MBTD1: variants seen among roughly 807,000 people sequenced by gnomAD.
MBTD1 encodes the protein MBT domain-containing protein 1.
A neutral mutation model predicts 87.8 loss-of-function variants in MBTD1; 24 were observed. That is an observed-to-expected ratio of 0.27 (90% CI 0.20 to 0.38). The LOEUF (loss-of-function observed/expected upper bound fraction) is 0.38. Ranked by LOEUF, MBTD1 falls within the 10% of genes least tolerant of loss-of-function variation. MBTD1 has a pLI of 1.00. For synonymous variants in MBTD1, 237 were observed against 248.6 expected (o/e 0.95, Z 0.44); for missense variants, 436 against 760.2 (o/e 0.57, Z 5.02).
At chr17:51,245,765 G>A (rs867822370) in intron 2 of MBTD1, among the ~76,000 whole-genome samples, 88 of 152,226 alleles carry the variant, frequency 5.8e-4, no homozygotes, top group African/African-American at 2.1e-3. Flanking sequence ...GGTTTGGAAT[G>A]TATTCTGATA....
At chr17:51,260,414 TG>T, upstream of MBTD1, 2 of 697,648 alleles carry the variant, frequency 2.9e-6, no homozygotes, top group Non-Finnish European at 4.7e-6. Flanking sequence ...GGGGCGGGGC[TG>T]GGTAGGGGAG....
intron 2 of MBTD1, among the ~76,000 whole-genome samples, chr17:51,257,832 A>G (rs2055179415): frequency 6.6e-6 from 1 of 152,190 alleles, no homozygotes; most frequent in African/African-American, 2.4e-5. Context: ...TTTATGTCAA[A>G]CATTACATAA....
intron 14 of MBTD1, 122 bp downstream of exon 14, chr17:51,193,306 T>C (rs1568154294): frequency 1.6e-5 from 11 of 668,320 alleles, no homozygotes; most frequent in Non-Finnish European, 2.8e-5. Flanking sequence ...ATTGCTATAT[T>C]TGTTTATATT....
chr17:51,247,441 CTTTTTTT>C (rs58720477), intron 2 of MBTD1, among the ~76,000 whole-genome samples: 68,817 of 131,944 alleles, frequency 0.52, 16,758 homozygotes, highest in South Asian at 0.65. Context: ...ATCAGTATTA[CTTTTTTT>C]TTTTTTTTTT....
chr17:51,223,760 C>T (rs1194633369), intron 3 of MBTD1, among the ~76,000 whole-genome samples: 1 of 152,032 alleles, frequency 6.6e-6, no homozygotes, highest in African/African-American at 2.4e-5. Flanking sequence ...TGCTTGAACC[C>T]GGGAGGTGGA....
intron 12 of MBTD1, among the ~76,000 whole-genome samples, chr17:51,199,671 A>C (rs2051347064): frequency 6.6e-6 from 1 of 151,660 alleles, no homozygotes; most frequent in African/African-American, 2.4e-5. Flanking sequence ...CGAACTCCTG[A>C]CCTTGTGATT....
chr17:51,207,630 A>G (rs1031267672), intron 6 of MBTD1, among the ~76,000 whole-genome samples: 3 of 152,188 alleles, frequency 2.0e-5, no homozygotes, highest in Non-Finnish European at 4.4e-5. Context: ...AAATTACTAT[A>G]AAGAGAAAAC....
At chr17:51,206,666 T>C (rs1274228164) in intron 7 of MBTD1, among the ~76,000 whole-genome samples, 1 of 152,226 alleles carries the variant, frequency 6.6e-6, no homozygotes, top group Non-Finnish European at 1.5e-5. Context: ...GGTGCTTTCA[T>C]GCTATAATGA....
intron 12 of MBTD1, among the ~76,000 whole-genome samples, chr17:51,199,913 C>T (rs1468557814): frequency 5.9e-5 from 9 of 151,548 alleles, no homozygotes; most frequent in Non-Finnish European, 1.3e-4. Context: ...CAACCTCCAC[C>T]TCCCGGGTTC....
chr17:51,205,396 T>C (rs2051761057), intron 7 of MBTD1, among the ~76,000 whole-genome samples: 1 of 152,242 alleles, frequency 6.6e-6, no homozygotes, highest in South Asian at 2.1e-4. Flanking sequence ...TTTTGGATAG[T>C]AAATGCACTG....
intron 14 of MBTD1, 94 bp downstream of exon 14, chr17:51,193,334 T>C: frequency 1.2e-6 from 1 of 827,412 alleles, no homozygotes; most frequent in South Asian, 1.7e-5. Flanking sequence ...CACTAAGAAA[T>C]TCTAATACAA....
chr17:51,199,451 ATTT>A (rs907683754), intron 12 of MBTD1, among the ~76,000 whole-genome samples: 6 of 146,650 alleles, frequency 4.1e-5, no homozygotes, highest in African/African-American at 1.5e-4. Context: ...TTTTAAAAAA[ATTT>A]TTTTTTTGAG....
intron 11 of MBTD1, 91 bp downstream of exon 11, chr17:51,201,931 T>C: frequency 3.4e-6 from 3 of 882,338 alleles, no homozygotes; most frequent in South Asian, 1.4e-5. Context: ...AGTGAACATA[T>C]GTAATTGTGA....
chr17:51,212,625 A>G (rs926141689), intron 6 of MBTD1, among the ~76,000 whole-genome samples: 5 of 141,092 alleles, frequency 3.5e-5, no homozygotes, highest in African/African-American at 1.1e-4. Flanking sequence ...GTACATTTAT[A>G]CATTTTAGCC....
intron 15 of MBTD1, 198 bp from the exon 16 acceptor site, chr17:51,192,478 A>T (rs2050859952): frequency 4.8e-6 from 3 of 629,066 alleles, no homozygotes; most frequent in Admixed American, 3.1e-5. Flanking sequence ...ACTCAAAAGC[A>T]TTTATTACCT....
At chr17:51,248,249 T>C (rs898507999) in intron 2 of MBTD1, among the ~76,000 whole-genome samples, 3 of 152,180 alleles carry the variant, frequency 2.0e-5, no homozygotes, top group African/African-American at 7.2e-5. Flanking sequence ...TTTATTTCCT[T>C]CCTTGTGCTT....
intron 2 of MBTD1, among the ~76,000 whole-genome samples, chr17:51,239,353 A>T (rs1158908399): frequency 6.6e-6 from 1 of 152,162 alleles, no homozygotes; most frequent in African/African-American, 2.4e-5. Flanking sequence ...ACTTTCTTTA[A>T]GGATGGTTAT....
At chr17:51,224,273 C>A (rs1011663693) in intron 3 of MBTD1, among the ~76,000 whole-genome samples, 3 of 152,172 alleles carry the variant, frequency 2.0e-5, no homozygotes, top group African/African-American at 7.2e-5. Context: ...TGGGATACAC[C>A]ATGAGAGAAA....
At chr17:51,224,111 A>G (rs1417860089) in intron 3 of MBTD1, among the ~76,000 whole-genome samples, 1 of 152,186 alleles carries the variant, frequency 6.6e-6, no homozygotes, top group African/African-American at 2.4e-5. Context: ...CAGGGTGACC[A>G]TTTGTTTGGT....
Sources: allele counts gnomAD v4.1 joint callset (sites outside exome capture counted in the v4.1 genomes callset), GRCh38; gene constraint gnomAD v4.1.1; transcripts MANE v1.5; gene names NCBI Gene and HGNC (gene_info 2026-07-23, HGNC 2026-07-21).